ANO2: variants seen among roughly 807,000 people sequenced by gnomAD.
ANO2 encodes anoctamin 2.
In ANO2, 101 loss-of-function variants were observed where a neutral mutation model predicts 124.2. The ratio of observed to expected loss-of-function variants is 0.81; its 90% confidence interval spans 0.69 to 0.96. The LOEUF is 0.96. Among genes scored for constraint, ANO2 ranks in the 40% least tolerant of loss-of-function variants. ANO2 has a pLI of 0.00. For missense variants in ANO2, 1,293 were observed against 1,274.5 expected, an observed-to-expected ratio of 1.01 and a Z score of -0.22; for synonymous variants, 486 against 482.5, an observed-to-expected ratio of 1.01 and a Z score of -0.09.
chr12:5,914,068 T>A (rs1388534698), intron 3 of ANO2, among the ~76,000 whole-genome samples: 3 of 151,986 alleles, frequency 2.0e-5, no homozygotes, highest in Admixed American at 6.6e-5. Context: ...GGCATGGTGT[T>A]GTGCACCTGT....
intron 23 of ANO2, among the ~76,000 whole-genome samples, chr12:5,573,145 A>G (rs967761560): frequency 4.6e-5 from 7 of 152,228 alleles, no homozygotes; most frequent in Admixed American, 1.3e-4. Context: ...GGAGGTGGGC[A>G]GAGACTGGAT....
At chr12:5,771,520 C>T (rs1462269854) in intron 10 of ANO2, among the ~76,000 whole-genome samples, 3 of 105,058 alleles carry the variant, frequency 2.9e-5, no homozygotes, top group East Asian at 2.5e-4. Flanking sequence ...TGGCTTATGC[C>T]TGTAATCCCA....
chr12:5,885,736 C>T (rs1030214542), intron 3 of ANO2, among the ~76,000 whole-genome samples: 6 of 152,134 alleles, frequency 3.9e-5, no homozygotes, highest in Admixed American at 2.0e-4. Flanking sequence ...CTTAATGAGC[C>T]ATGATGGGGA....
At chr12:5,736,212 C>A (rs1298593673) in intron 13 of ANO2, among the ~76,000 whole-genome samples, 1 of 152,198 alleles carries the variant, frequency 6.6e-6, no homozygotes, top group Admixed American at 6.5e-5. Flanking sequence ...CCTTCCTTCC[C>A]CACCCTCAGA....
chr12:5,668,217 G>A (rs1379085113), intron 14 of ANO2, among the ~76,000 whole-genome samples: 1 of 152,130 alleles, frequency 6.6e-6, no homozygotes, highest in East Asian at 1.9e-4. Flanking sequence ...AGCATCTGTT[G>A]TTTTTTGACT....
chr12:5,614,131 G>T (rs529356320), intron 17 of ANO2, among the ~76,000 whole-genome samples: 14 of 152,294 alleles, frequency 9.2e-5, no homozygotes, highest in African/African-American at 3.4e-4. Flanking sequence ...AAATTTCCTT[G>T]TAAGTAGCCA....
intron 7 of ANO2, among the ~76,000 whole-genome samples, chr12:5,808,621 G>A (rs1270898403): frequency 6.6e-6 from 1 of 152,226 alleles, no homozygotes; most frequent in Non-Finnish European, 1.5e-5. Context: ...ACTGTAGACT[G>A]TAGTGAGATG....
chr12:5,611,381 G>C (rs1175724786), intron 19 of ANO2, among the ~76,000 whole-genome samples: 1 of 148,326 alleles, frequency 6.7e-6, no homozygotes, highest in Non-Finnish European at 1.5e-5. Context: ...AGTCTATTTT[G>C]TCTCCCAGAC....
intron 10 of ANO2, among the ~76,000 whole-genome samples, chr12:5,776,936 C>T (rs1952249164): frequency 6.6e-6 from 1 of 152,184 alleles, no homozygotes; most frequent in Admixed American, 6.5e-5. Context: ...GGAGCCTCTA[C>T]ATTTGACAGG....
chr12:5,930,957 C>T (rs1341430769), intron 1 of ANO2, among the ~76,000 whole-genome samples: 1 of 152,122 alleles, frequency 6.6e-6, no homozygotes, highest in African/African-American at 2.4e-5. Flanking sequence ...AATGCACATG[C>T]CCCCCTTTCC....
chr12:5,851,684 C>CAAA (rs548897910), intron 4 of ANO2, among the ~76,000 whole-genome samples: 1 of 62,608 alleles, frequency 1.6e-5, no homozygotes, highest in African/African-American at 5.5e-5. Context: ...GACTCCATCT[C>CAAA]AAAAAAAAAA....
intron 11 of ANO2, 144 bp from the exon 12 acceptor site, chr12:5,744,461 A>T (rs956558758): frequency 1.1e-6 from 1 of 904,660 alleles, no homozygotes; most frequent in African/African-American, 1.7e-5. Context: ...AGAAGTTAGC[A>T]TTGTATTCTT....
At chr12:5,663,749 G>T (rs1947559746) in intron 14 of ANO2, among the ~76,000 whole-genome samples, 2 of 152,190 alleles carry the variant, frequency 1.3e-5, no homozygotes, top group Admixed American at 6.5e-5. Flanking sequence ...TGAGTGCTGA[G>T]TTCAGAGGAA....
intron 3 of ANO2, among the ~76,000 whole-genome samples, chr12:5,918,078 G>A (rs562937997): frequency 3.3e-5 from 5 of 152,120 alleles, no homozygotes; most frequent in African/African-American, 9.6e-5. Context: ...ACAGAGGTAC[G>A]CACCACAGCT....
chr12:5,801,751 G>C (rs1953046241), intron 9 of ANO2, among the ~76,000 whole-genome samples: 1 of 152,204 alleles, frequency 6.6e-6, no homozygotes, highest in African/African-American at 2.4e-5. Context: ...AGTGCATGAA[G>C]GCAGAGGAAC....
chr12:5,927,150 G>C (rs1198781870), intron 1 of ANO2, among the ~76,000 whole-genome samples: 1 of 152,088 alleles, frequency 6.6e-6, no homozygotes, highest in Non-Finnish European at 1.5e-5. Context: ...CTTCCTCCTG[G>C]AAGCTTCCCC....
At chr12:5,774,130 T>C (rs1445532941) in intron 10 of ANO2, among the ~76,000 whole-genome samples, 1 of 152,070 alleles carries the variant, frequency 6.6e-6, no homozygotes, top group Non-Finnish European at 1.5e-5. Flanking sequence ...GAAAAAATAA[T>C]AATAATAAAC....
chr12:5,587,724 C>T (rs762869053), intron 20 of ANO2, among the ~76,000 whole-genome samples: 2 of 152,168 alleles, frequency 1.3e-5, no homozygotes, highest in East Asian at 3.9e-4. Flanking sequence ...CTGCTACCCT[C>T]CCAGGTTTCT....
chr12:5,810,127 C>A (rs993391503), intron 7 of ANO2, among the ~76,000 whole-genome samples: 4 of 152,178 alleles, frequency 2.6e-5, no homozygotes, highest in Non-Finnish European at 5.9e-5. Flanking sequence ...TTCCCTCTAG[C>A]TGTGTACTCC....
Sources: allele counts gnomAD v4.1 joint callset (sites outside exome capture counted in the v4.1 genomes callset), GRCh38; gene constraint gnomAD v4.1.1; transcripts MANE v1.5; gene names NCBI Gene and HGNC (gene_info 2026-07-23, HGNC 2026-07-21).